Variants in CNTN5 observed in about 807,000 individuals in gnomAD.
The protein encoded by CNTN5 is contactin-5.
A neutral mutation model predicts 129.1 loss-of-function variants in CNTN5; 77 were observed. The ratio of observed to expected loss-of-function variants is 0.60; its 90% CI spans 0.50 to 0.72. CNTN5 has a LOEUF of 0.72. CNTN5 is among the 30% of genes least tolerant of loss of function. The pLI, the probability that CNTN5 is intolerant of heterozygous loss-of-function variation, is 0.00. For missense variants in CNTN5, 1,478 were observed against 1,328.8 expected (o/e 1.11, Z -1.75); for synonymous variants, 509 against 465.6 (o/e 1.09, Z -1.20).
At chr11:99,802,099 A>C (rs2135483282) in intron 3 of CNTN5, among the ~76,000 whole-genome samples, 1 of 152,272 alleles carries the variant, frequency 6.6e-6, no homozygotes, top group East Asian at 1.9e-4. Context: ...TTCTCCACCC[A>C]GGGTGTATGA....
chr11:100,074,863 C>A lies in CNTN5; in HGVS notation c.1580+569C>A, dbSNP rs114515290. On this transcript the variant is annotated intron_variant, in intron 13 of 24. Coordinates refer to ENST00000524871, the MANE Select transcript of CNTN5 (RefSeq NM_014361.4). ...TTTGGCAACTAAAGCCAAAGGATATCACAGGAGTACAAATGGAGAAAAAAT... is the reference window on the plus strand; with the variant it reads ...TTTGGCAACTAAAGCCAAAGGATATAACAGGAGTACAAATGGAGAAAAAAT... Among the ~76,000 whole-genome samples, 1,353 of 150,932 alleles carry A rather than the reference C, an allele frequency of 9.0e-3. 21 individuals carry two copies. The highest frequency in any genetic ancestry group is 0.028 in the African/African-American group (1,157 of 41,512).
chr11:100,062,370 A>G (rs1943520236), intron 10 of CNTN5, among the ~76,000 whole-genome samples: 1 of 152,212 alleles, frequency 6.6e-6, no homozygotes, highest in Non-Finnish European at 1.5e-5. Context: ...ACTGAATTCA[A>G]CCAGTCTTTC....
At chr11:99,021,679 A>G (rs1862876047) in intron 1 of CNTN5, among the ~76,000 whole-genome samples, 1 of 152,214 alleles carries the variant, frequency 6.6e-6, no homozygotes, top group South Asian at 2.1e-4. Flanking sequence ...TGTTTGAGCA[A>G]TGAGTTTCCG....
chr11:99,899,776 A>G (rs184256545), intron 6 of CNTN5, among the ~76,000 whole-genome samples: 5 of 151,994 alleles, frequency 3.3e-5, no homozygotes, highest in African/African-American at 1.2e-4. Context: ...CTTCTCCTTG[A>G]TTTTTTGGAA....
At chr11:99,851,806 A>T (rs989783186) in intron 6 of CNTN5, among the ~76,000 whole-genome samples, 4 of 152,322 alleles carry the variant, frequency 2.6e-5, no homozygotes, top group African/African-American at 9.6e-5. Context: ...CTTTGGATTT[A>T]AGCCCTTTAA....
intron 1 of CNTN5, among the ~76,000 whole-genome samples, chr11:99,081,327 A>G (rs1321077857): frequency 3.3e-5 from 5 of 152,192 alleles, no homozygotes; most frequent in Middle Eastern, 3.2e-3. Flanking sequence ...AATTTAACAA[A>G]GAAATATCCT....
chr11:99,986,009 C>A (rs1938650182), intron 8 of CNTN5, among the ~76,000 whole-genome samples: 1 of 152,128 alleles, frequency 6.6e-6, no homozygotes, highest in African/African-American at 2.4e-5. Context: ...TTCAAGTAAG[C>A]CATTTTCTGC....
chr11:99,477,843 T>C (rs575841264), intron 2 of CNTN5, among the ~76,000 whole-genome samples: 1 of 152,014 alleles, frequency 6.6e-6, no homozygotes, highest in South Asian at 2.1e-4. Context: ...GAATATTTTA[T>C]CTTACATAAA....
chr11:99,627,724 A>C (rs562681489), intron 3 of CNTN5, among the ~76,000 whole-genome samples: 4 of 151,848 alleles, frequency 2.6e-5, no homozygotes, highest in South Asian at 2.1e-4. Context: ...AAAAGCTCTT[A>C]TGCACTTGTT....
chr11:99,465,967 C>G (rs1338917773), intron 2 of CNTN5, among the ~76,000 whole-genome samples: 2 of 150,960 alleles, frequency 1.3e-5, no homozygotes, highest in Middle Eastern at 3.2e-3. Context: ...CTGCAAGCTC[C>G]GCCTCCTGGG....
chr11:99,153,692 G>T (rs1472049015), intron 1 of CNTN5, among the ~76,000 whole-genome samples: 1 of 151,990 alleles, frequency 6.6e-6, no homozygotes, highest in Non-Finnish European at 1.5e-5. Flanking sequence ...GGGTATGAGT[G>T]CAGTTGTTTG....
At chr11:99,699,013 A>G (rs1954399020) in intron 3 of CNTN5, among the ~76,000 whole-genome samples, 1 of 151,368 alleles carries the variant, frequency 6.6e-6, no homozygotes, top group South Asian at 2.1e-4. Flanking sequence ...ATAAATGCAA[A>G]GAGAAGTTCA....
chr11:99,486,230 T>G (rs1426191472), intron 2 of CNTN5, among the ~76,000 whole-genome samples: 1 of 152,128 alleles, frequency 6.6e-6, no homozygotes, highest in African/African-American at 2.4e-5. Flanking sequence ...TCATAGAGCA[T>G]ATCAACTTTT....
At chr11:100,202,219 C>T (rs913132336) in intron 15 of CNTN5, among the ~76,000 whole-genome samples, 10 of 151,952 alleles carry the variant, frequency 6.6e-5, no homozygotes, top group African/African-American at 2.2e-4. Context: ...AATACATTAT[C>T]ATTTATCAGA....
Position 99,703,227 on chromosome 11 carries a change from G to GTT in CNTN5, c.56-116301_56-116300dup, listed in dbSNP as rs34131042. Among the ~76,000 whole-genome samples, 1,047 of 121,692 alleles carry GTT rather than the reference G, an allele frequency of 8.6e-3. 8 individuals carry two copies. Among genetic ancestry groups the GTT allele is most frequent in the South Asian group, 0.019 (75 of 3,912 alleles). 79.8% of individuals were successfully genotyped at this position (121,692 alleles called of 152,430 possible). ...CAAATACATATCAAAGGTATTTGGG[G>GTT]TTTTTTTTTTTTTTTTTGCTTGTTT... is the stretch of plus-strand genomic sequence containing the variant. On this transcript the variant is annotated intron_variant, in intron 3 of 24. Transcript: ENST00000524871.
intron 6 of CNTN5, 103 bp from the exon 7 acceptor site, chr11:99,915,951 A>T (rs1949777798): frequency 6.0e-6 from 5 of 839,950 alleles, no homozygotes. Flanking sequence ...CAAACAAAAG[A>T]CACCTTGTGA....
At chr11:99,386,735 C>T (rs1221839084) in intron 2 of CNTN5, among the ~76,000 whole-genome samples, 2 of 152,058 alleles carry the variant, frequency 1.3e-5, no homozygotes, top group East Asian at 1.9e-4. Context: ...TGCTCTGGTT[C>T]ACACACCTCT....
intron 1 of CNTN5, among the ~76,000 whole-genome samples, chr11:99,314,738 A>G (rs896070513): frequency 7.8e-6 from 1 of 128,412 alleles, no homozygotes; most frequent in Non-Finnish European, 1.8e-5. Flanking sequence ...AAGGAAAGGA[A>G]GAGAGGGGAG....
chr11:99,100,852 A>G lies in CNTN5; in HGVS notation c.-210+79582A>G, dbSNP rs563190293. 2.0e-5 allele frequency among the ~76,000 whole-genome samples: 3 copies of G among 152,360 alleles called. No homozygotes were observed. The South Asian group carries it at 6.2e-4, about 32-fold the overall frequency. ...ATAAAATGCACTTGGAGATATAGAA[A>G]CATAGAACTATCTCTGATGAAAATT... On this transcript the variant is annotated intron_variant, in intron 1 of 24. Coordinates refer to ENST00000524871, the MANE Select transcript of CNTN5 (RefSeq NM_014361.4).
Sources: gnomAD v4.1 joint callset for allele counts (sites outside exome capture counted in the v4.1 genomes callset) on GRCh38, gnomAD v4.1.1 for gene constraint, MANE v1.5 for transcripts, NCBI Gene and HGNC (gene_info 2026-07-23, HGNC 2026-07-21) for gene names.